Variants in MRAS observed in about 807,000 individuals in gnomAD.
MRAS encodes muscle RAS oncogene homolog.
A neutral mutation model predicts 20.9 loss-of-function variants in MRAS; 4 were observed. The observed-to-expected ratio is 0.19, with a 90% CI of 0.09 to 0.44. The LOEUF is 0.44. Among genes scored for constraint, MRAS ranks in the 20% least tolerant of loss-of-function variants. MRAS has a pLI of 0.99. For missense variants in MRAS, 154 were observed against 277.5 expected (o/e 0.56, Z 3.16); for synonymous variants, 98 against 102.9 (o/e 0.95, Z 0.29).
At chr3:138,369,914 G>C (rs1025693368) in intron 1 of MRAS, among the ~76,000 whole-genome samples, 1 of 152,312 alleles carries the variant, frequency 6.6e-6, no homozygotes, top group East Asian at 1.9e-4. Context: ...TTCTTATCTT[G>C]TTTTCTTTTG....
At chr3:138,351,018 C>T (rs889491507) in intron 1 of MRAS, among the ~76,000 whole-genome samples, 5 of 151,864 alleles carry the variant, frequency 3.3e-5, no homozygotes, top group African/African-American at 7.3e-5. Context: ...CTAGTGATCA[C>T]CTGGAACCAG....
intron 1 of MRAS, chr3:138,349,803 C>T (rs2054190395): frequency 6.6e-6 from 1 of 152,206 alleles, no homozygotes; most frequent in African/African-American, 2.4e-5. Flanking sequence ...AGCTCTGAAA[C>T]TCCACTGTAA....
chr3:138,370,852 C>G (rs2054660414), intron 1 of MRAS, among the ~76,000 whole-genome samples: 1 of 152,012 alleles, frequency 6.6e-6, no homozygotes, highest in African/African-American at 2.4e-5. Context: ...TGCTAAAGTT[C>G]TTAATGCCTG....
intron 1 of MRAS, among the ~76,000 whole-genome samples, chr3:138,369,661 C>A (rs1309043271): frequency 6.6e-6 from 1 of 152,094 alleles, no homozygotes; most frequent in Non-Finnish European, 1.5e-5. Context: ...TCCATTGTGT[C>A]CTAATTAGAA....
rs62977360 is a variant in MRAS at position 138,363,819 on chromosome 3, A to ACCC, written c.-18-9034_-18-9032dup. The stretch of plus-strand genomic sequence containing the variant: ...TGTCATGTGACCTGTTAGAGGATTT[A>ACCC]CCCCCCCCCCCCCCCAAACCACAGG... On this transcript the variant is annotated intron_variant, in intron 1 of 5. Transcript: ENST00000423968. Among the ~76,000 whole-genome samples the ACCC allele has an allele frequency of 1.9e-3, 63 of 32,976 alleles. 1 individual carries two copies. Among genetic ancestry groups the ACCC allele is most frequent in the Non-Finnish European group, 2.8e-3 (46 of 16,336 alleles). The allele number at this position is 32,976 out of a possible 152,430, so 21.6% of individuals were successfully genotyped here. A position where few individuals can be genotyped will look rare whatever the true frequency, so the allele number is the denominator to read the frequency against.
intron 1 of MRAS, among the ~76,000 whole-genome samples, chr3:138,372,605 A>G (rs908081553): frequency 6.6e-6 from 1 of 152,238 alleles, no homozygotes; most frequent in Non-Finnish European, 1.5e-5. Context: ...TTGCTAAACA[A>G]GACCAGTGGT....
At chr3:138,375,223 T>A (rs746313546) in intron 2 of MRAS, among the ~76,000 whole-genome samples, 6 of 152,202 alleles carry the variant, frequency 3.9e-5, no homozygotes, top group Non-Finnish European at 5.9e-5. Flanking sequence ...ATTGCATCCC[T>A]GGAATAAACC....
At position 138,352,615 on chromosome 3, in the gene MRAS, A is replaced by G. The variant is rs577281738; in HGVS notation, c.-19+3848A>G. Among the ~76,000 whole-genome samples the G allele has an allele frequency of 1.6e-4, 25 of 152,196 alleles. No individual in the cohort carries two copies. In the South Asian group the frequency reaches 1.9e-3, roughly 11 times the overall value. On this transcript the variant is annotated intron_variant, in intron 1 of 5. Transcript: ENST00000423968. ...ACTAGGTGGGGACTGCTGCATGACA[A>G]TGTGGGTCATCACCGGTTGCTGAAG...
intron 2 of MRAS, among the ~76,000 whole-genome samples, chr3:138,378,407 G>T (rs992298224): frequency 6.6e-6 from 1 of 152,210 alleles, no homozygotes; most frequent in African/African-American, 2.4e-5. Flanking sequence ...GGGACCCCCA[G>T]GCTTTGGAGC....
At chr3:138,397,563 C>T (rs2055267405) in intron 3 of MRAS, 86 bp downstream of exon 3, 2 of 1,476,592 alleles carry the variant, frequency 1.4e-6, no homozygotes, top group African/African-American at 1.4e-5. Flanking sequence ...TTCTCTTTCT[C>T]TCTCTCTCAC....
At chr3:138,397,895 C>T (rs1027147631) in intron 3 of MRAS, among the ~76,000 whole-genome samples, 2 of 152,124 alleles carry the variant, frequency 1.3e-5, no homozygotes, top group Non-Finnish European at 2.9e-5. Context: ...AAAAATGGCT[C>T]AAATGTGGGA....
chr3:138,354,298 C>G (rs2054286933), intron 1 of MRAS, among the ~76,000 whole-genome samples: 1 of 152,074 alleles, frequency 6.6e-6, no homozygotes, highest in Admixed American at 6.5e-5. Context: ...TACCTATTAC[C>G]CAAGATGAAC....
chr3:138,375,924 A>C (rs1212469), intron 2 of MRAS, among the ~76,000 whole-genome samples: 7 of 151,922 alleles, frequency 4.6e-5, no homozygotes, highest in African/African-American at 1.7e-4. Flanking sequence ...GGAGGCAAAG[A>C]TTGCAGTGAG....
intron 4 of MRAS, among the ~76,000 whole-genome samples, chr3:138,399,801 G>A (rs1044354398): frequency 1.3e-5 from 2 of 152,188 alleles, no homozygotes; most frequent in African/African-American, 4.8e-5. Context: ...GAGAAGGTGA[G>A]CGCTCAGGAG....
chr3:138,384,959 G>A (rs1180421313), intron 2 of MRAS, among the ~76,000 whole-genome samples: 1 of 152,168 alleles, frequency 6.6e-6, no homozygotes, highest in Non-Finnish European at 1.5e-5. Context: ...GTGACATGGA[G>A]GTCATTGGTG....
At chr3:138,379,923 A>G (rs1415304149) in intron 2 of MRAS, among the ~76,000 whole-genome samples, 2 of 152,138 alleles carry the variant, frequency 1.3e-5, no homozygotes, top group East Asian at 3.9e-4. Flanking sequence ...CATAGTGGCT[A>G]TACTAGTTTA....
At chr3:138,387,213 T>G (rs902009035) in intron 2 of MRAS, among the ~76,000 whole-genome samples, 33 of 152,162 alleles carry the variant, frequency 2.2e-4, no homozygotes, top group African/African-American at 8.0e-4. Context: ...CTCAGGCCTT[T>G]AAAGGGGGAG....
At position 138,405,149 on chromosome 3, in the gene MRAS, A is replaced by T. The variant is rs2055433059; in HGVS notation, c.*2880A>T. The T allele has an allele frequency of 6.6e-6, 1 of 152,324 alleles. No homozygotes were observed. The highest frequency in any genetic ancestry group is 2.1e-4 in the South Asian group (1 of 4,800). 9.4% of individuals were successfully genotyped at this position (152,324 alleles called of 1,614,324 possible). On this transcript the variant is annotated 3_prime_UTR_variant, in exon 6 of 6. Coordinates refer to ENST00000423968, the MANE Select transcript of MRAS (RefSeq NM_001085049.3). ...GATGGTTTCTCTTAGGACTTTGCCC[A>T]CCTCCTTCTCATGGCACTTGCTGTG...
rs1247556375 is a variant in MRAS at position 138,404,009 on chromosome 3, C to CA, written c.*1743dup. ...GTTGAGACTTTTGCTTGTTGGAAATCAAACTTCTTATTTGTCTAAATTGCC... is the reference window on the plus strand; with the variant it reads ...GTTGAGACTTTTGCTTGTTGGAAATCAAAACTTCTTATTTGTCTAAATTGCC... On this transcript the variant is annotated 3_prime_UTR_variant, in exon 6 of 6. Coordinates refer to ENST00000423968, the MANE Select transcript of MRAS (RefSeq NM_001085049.3). 1.3e-5 allele frequency: 2 copies of CA among 152,176 alleles called. No homozygotes were observed. The highest frequency in any genetic ancestry group is 1.3e-4 in the Admixed American group (2 of 15,276). The allele number at this position is 152,176 out of a possible 1,614,324, so 9.4% of individuals were successfully genotyped here. A position where few individuals can be genotyped will look rare whatever the true frequency, so the allele number is the denominator to read the frequency against.
Sources: gnomAD v4.1 joint callset for allele counts (sites outside exome capture counted in the v4.1 genomes callset) on GRCh38, gnomAD v4.1.1 for gene constraint, MANE v1.5 for transcripts, NCBI Gene and HGNC (gene_info 2026-07-23, HGNC 2026-07-21) for gene names.